The following SLC4A10 variants were observed in gnomAD, a reference collection of about 807,000 sequenced individuals.
SLC4A10 encodes the protein sodium-driven chloride bicarbonate exchanger.
In SLC4A10, 42 loss-of-function variants were observed where a neutral mutation model predicts 137.7. The observed-to-expected ratio is 0.30, with a 90% CI of 0.24 to 0.39. The LOEUF is 0.39. SLC4A10 is among the 10% of genes least tolerant of loss of function. SLC4A10 has a pLI of 1.00. For synonymous variants in SLC4A10, 474 were observed against 464.1 expected (o/e 1.02, Z -0.27); for missense variants, 925 against 1,355.0 (o/e 0.68, Z 4.98).
At chr2:161,808,144 G>A (rs1002650110) in intron 3 of SLC4A10, among the ~76,000 whole-genome samples, 16 of 151,984 alleles carry the variant, frequency 1.1e-4, no homozygotes, top group African/African-American at 3.1e-4. Flanking sequence ...TAATGAGAAT[G>A]TATATTATTA....
At chr2:161,971,514 A>G (rs1404514624) in intron 23 of SLC4A10, among the ~76,000 whole-genome samples, 1 of 152,202 alleles carries the variant, frequency 6.6e-6, no homozygotes, top group Non-Finnish European at 1.5e-5. Flanking sequence ...TAAGAGCTGA[A>G]TGAACTCATT....
intron 1 of SLC4A10, among the ~76,000 whole-genome samples, chr2:161,658,781 G>A (rs1344857115): frequency 6.6e-6 from 1 of 151,838 alleles, no homozygotes; most frequent in Non-Finnish European, 1.5e-5. Context: ...GGTAGAGATG[G>A]GGTTTCACCT....
chr2:161,897,837 A>G (rs939125491), intron 11 of SLC4A10, among the ~76,000 whole-genome samples: 1 of 152,136 alleles, frequency 6.6e-6, no homozygotes, highest in Admixed American at 6.6e-5. Context: ...TGTTATTTGG[A>G]GAAATGCAGC....
intron 1 of SLC4A10, among the ~76,000 whole-genome samples, chr2:161,767,037 A>T (rs2050885944): frequency 7.0e-6 from 1 of 142,722 alleles, no homozygotes. Flanking sequence ...GAAAGTACTG[A>T]TTTGTAAAAC....
intron 1 of SLC4A10, among the ~76,000 whole-genome samples, chr2:161,694,157 A>G (rs2042264267): frequency 6.6e-6 from 1 of 152,034 alleles, no homozygotes; most frequent in African/African-American, 2.4e-5. Context: ...ATTATTTATG[A>G]CCTGATATCA....
chr2:161,715,706 G>A (rs2044786076), intron 1 of SLC4A10, among the ~76,000 whole-genome samples: 2 of 152,076 alleles, frequency 1.3e-5, no homozygotes, highest in Admixed American at 1.3e-4. Context: ...ATTCCAGGGT[G>A]TCTATGTACC....
chr2:161,771,522 C>T (rs893750151), intron 2 of SLC4A10, among the ~76,000 whole-genome samples: 14 of 151,606 alleles, frequency 9.2e-5, no homozygotes, highest in South Asian at 2.1e-4. Context: ...TAGTATGGCC[C>T]GGTGGTTAAC....
chr2:161,655,220 G>T (rs1158718426), intron 1 of SLC4A10, among the ~76,000 whole-genome samples: 1 of 151,794 alleles, frequency 6.6e-6, no homozygotes, highest in African/African-American at 2.4e-5. Context: ...TGTTGATTTT[G>T]TATCTTGCAA....
At chr2:161,741,820 G>C (rs1326523195) in intron 1 of SLC4A10, among the ~76,000 whole-genome samples, 2 of 152,092 alleles carry the variant, frequency 1.3e-5, no homozygotes, top group Non-Finnish European at 2.9e-5. Context: ...TTTGTATTAC[G>C]AACATTCCAA....
chr2:161,924,964 T>C (rs1000676201), intron 15 of SLC4A10, among the ~76,000 whole-genome samples: 1 of 152,136 alleles, frequency 6.6e-6, no homozygotes. Context: ...GTAGTTTTCA[T>C]GATAGGAGGG....
intron 5 of SLC4A10, among the ~76,000 whole-genome samples, chr2:161,862,014 G>A (rs765005574): frequency 5.9e-5 from 9 of 152,140 alleles, no homozygotes; most frequent in Non-Finnish European, 1.2e-4. Context: ...AACAATTAGA[G>A]TTAATGTTTG....
chr2:161,890,895 G>T (rs932131878), intron 10 of SLC4A10, among the ~76,000 whole-genome samples: 1 of 152,054 alleles, frequency 6.6e-6, no homozygotes, highest in African/African-American at 2.4e-5. Flanking sequence ...TAGTGTCAAT[G>T]GTCTTTACAA....
intron 26 of SLC4A10, among the ~76,000 whole-genome samples, chr2:161,979,580 C>T (rs1018994792): frequency 3.9e-5 from 6 of 152,312 alleles, no homozygotes; most frequent in East Asian, 1.9e-4. Context: ...ACAGTAGAAA[C>T]TCTGGCAGAA....
At chr2:161,627,487 T>C (rs1230928203) in intron 1 of SLC4A10, among the ~76,000 whole-genome samples, 1 of 152,090 alleles carries the variant, frequency 6.6e-6, no homozygotes, top group Non-Finnish European at 1.5e-5. Context: ...GTATGTCAAA[T>C]GAGTGAATGT....
intron 2 of SLC4A10, among the ~76,000 whole-genome samples, chr2:161,800,261 A>C (rs1236328991): frequency 6.6e-6 from 1 of 152,100 alleles, no homozygotes; most frequent in Non-Finnish European, 1.5e-5. Flanking sequence ...CTGTTGCTAA[A>C]AAATTGTGGC....
At chr2:161,707,980 T>G (rs1178805129) in intron 1 of SLC4A10, among the ~76,000 whole-genome samples, 1 of 151,236 alleles carries the variant, frequency 6.6e-6, no homozygotes, top group Non-Finnish European at 1.5e-5. Flanking sequence ...GGAAGGAAGA[T>G]TCCTTCAAGA....
chr2:161,958,561 T>C lies in SLC4A10; in HGVS notation c.2862+6T>C, dbSNP rs1299343552. ...CATCTCTAAAGGGAATTCAGGTAAATTACTTACAGTACTACAGGCACATCT... is the reference window on the plus strand; with the variant it reads ...CATCTCTAAAGGGAATTCAGGTAAACTACTTACAGTACTACAGGCACATCT... On this transcript the variant is annotated splice_donor_region_variant and intron_variant, in intron 21 of 26. Transcript: ENST00000446997. 2 of 1,600,114 alleles carry C rather than the reference T, an allele frequency of 1.2e-6. No homozygotes were observed. Among genetic ancestry groups the C allele is most frequent in the Non-Finnish European group, 8.6e-7 (1 of 1,169,166 alleles).
chr2:161,852,319 A>G (rs1161144555), intron 4 of SLC4A10, among the ~76,000 whole-genome samples: 2 of 152,192 alleles, frequency 1.3e-5, no homozygotes, highest in African/African-American at 2.4e-5. Context: ...AAATAACACC[A>G]GCATACATGC....
At chr2:161,642,409 A>G (rs1558927556) in intron 1 of SLC4A10, among the ~76,000 whole-genome samples, 3 of 151,992 alleles carry the variant, frequency 2.0e-5, no homozygotes, top group African/African-American at 7.2e-5. Context: ...TGAATCTCAG[A>G]TGGTTCCATA....
Sources: gnomAD v4.1 joint callset for allele counts (sites outside exome capture counted in the v4.1 genomes callset) on GRCh38, gnomAD v4.1.1 for gene constraint, MANE v1.5 for transcripts, NCBI Gene and HGNC (gene_info 2026-07-23, HGNC 2026-07-21) for gene names.